Variants in ACTR10 observed in about 807,000 individuals in gnomAD.
ACTR10 encodes the protein actin related protein 10.
Under a neutral mutation model 56.2 loss-of-function variants are expected in ACTR10, and 43 were observed. The ratio of observed to expected loss-of-function variants is 0.77; its 90% CI spans 0.60 to 0.99. The LOEUF (loss-of-function observed/expected upper bound fraction) is 0.99, where lower values mean the gene tolerates loss of function less well. Ranked by LOEUF, ACTR10 falls within the 50% of genes least tolerant of loss-of-function variation. The probability of loss-of-function intolerance (pLI) is 0.00; values close to 1 mark genes in which losing one functional copy is unlikely to be tolerated. For missense variants in ACTR10, 466 were observed against 507.8 expected, an observed-to-expected ratio of 0.92 and a Z score of 0.79; for synonymous variants, 170 against 176.3, an observed-to-expected ratio of 0.96 and a Z score of 0.28.
Position 58,222,403 on chromosome 14 carries a change from T to C in ACTR10, c.635-1219T>C, listed in dbSNP as rs947648053. Among the ~76,000 whole-genome samples the C allele has an allele frequency of 3.9e-5, 6 of 152,284 alleles. No homozygotes were observed. In the South Asian group the frequency reaches 6.2e-4, roughly 16 times the overall value. On this transcript the variant is annotated intron_variant, in intron 8 of 12. Transcript: ENST00000254286. Reference sequence around the variant, plus strand: ...AGAAAGTGGTAGTGTTGGGGTGTGCTAATGAGGAACAATCATTACAAAAAG... The same window carrying C: ...AGAAAGTGGTAGTGTTGGGGTGTGCCAATGAGGAACAATCATTACAAAAAG...
intron 7 of ACTR10, among the ~76,000 whole-genome samples, chr14:58,217,581 G>A (rs974414905): frequency 7.9e-5 from 12 of 151,380 alleles, no homozygotes; most frequent in East Asian, 1.9e-4. Flanking sequence ...CAGGAGAATC[G>A]CTTGAACCTG....
At chr14:58,209,466 G>A (rs1350390332) in intron 4 of ACTR10, among the ~76,000 whole-genome samples, 2 of 151,968 alleles carry the variant, frequency 1.3e-5, no homozygotes, top group African/African-American at 4.8e-5. Flanking sequence ...GAATTAAAAG[G>A]TATATTCTGT....
intron 5 of ACTR10, 116 bp from the exon 6 acceptor site, chr14:58,213,515 A>G: frequency 3.9e-6 from 2 of 518,566 alleles, no homozygotes; most frequent in Admixed American, 4.0e-5. Context: ...GTTAAAAATA[A>G]GAAATAAAAA....
intron 3 of ACTR10, among the ~76,000 whole-genome samples, chr14:58,208,430 G>GA (rs933137770): frequency 2.6e-5 from 4 of 151,404 alleles, no homozygotes; most frequent in African/African-American, 9.7e-5. Context: ...CCATAAGAAT[G>GA]AAAAAAAATA....
At chr14:58,211,533 G>GA in intron 5 of ACTR10, 134 bp downstream of exon 5, 2 of 613,548 alleles carry the variant, frequency 3.3e-6, no homozygotes, top group South Asian at 4.6e-5. Flanking sequence ...TTACAATGTG[G>GA]AAAAAGTTCA....
rs1298767145 is a variant in ACTR10 at position 58,235,053 on chromosome 14, C to G, written c.*502C>G. On this transcript the variant is annotated 3_prime_UTR_variant, in exon 13 of 13. Coordinates refer to ENST00000254286, the MANE Select transcript of ACTR10 (RefSeq NM_018477.3). ...CAGGATGGTCTCAATTTCCTGACCT[C>G]GTGATCCACCCTCCTCGGCCTCCCA... 1 of 152,402 alleles carries G rather than the reference C, an allele frequency of 6.6e-6. No homozygotes were observed. The highest frequency in any genetic ancestry group is 2.4e-5 in the African/African-American group (1 of 41,416). The allele number at this position is 152,402 out of a possible 1,614,324, so 9.4% of individuals were successfully genotyped here.
chr14:58,210,300 G>A lies in ACTR10; in HGVS notation c.343-992G>A, dbSNP rs1888961593. On this transcript the variant is annotated intron_variant, in intron 4 of 12. Coordinates refer to ENST00000254286, the MANE Select transcript of ACTR10 (RefSeq NM_018477.3). ...AAATGTTGCACAGAGCCAACTATTTGTATATTTTGTTCTTTGGTTTAATTT... is the reference window on the plus strand; with the variant it reads ...AAATGTTGCACAGAGCCAACTATTTATATATTTTGTTCTTTGGTTTAATTT... 2.0e-5 allele frequency among the ~76,000 whole-genome samples: 3 copies of A among 152,178 alleles called. No individual in the cohort carries two copies. In the South Asian group the frequency reaches 6.2e-4, roughly 32 times the overall value.
chr14:58,202,417 T>TAAA (rs1171913562), intron 1 of ACTR10, among the ~76,000 whole-genome samples: 1 of 132,688 alleles, frequency 7.5e-6, no homozygotes. Context: ...TCGTCTCTAC[T>TAAA]AAAAAAAAAA....
At position 58,223,846 on chromosome 14, in the gene ACTR10, G is replaced by A; in HGVS notation, c.778G>A (p.Gly260Arg). 2 of 1,611,280 alleles carry A rather than the reference G, an allele frequency of 1.2e-6. No homozygotes were observed. Among genetic ancestry groups the A allele is most frequent in the Non-Finnish European group, 1.7e-6 (2 of 1,178,218 alleles). The change falls in exon 10 of 13, where the codon GGA becomes AGA. Residue 260 changes from glycine (G) to arginine (R), a missense_variant. Gly to Arg is a moderately radical substitution (Grantham distance 125). Transcript: ENST00000254286. ...LDGEKILHIL[G>R]SIRDSVVEIL... ...TGGAGAGAAGATTTTACATATCCTT[G>A]GATCAATCAGGTTAGATCTTAAATT...
chr14:58,227,772 T>C (rs1161615275), intron 10 of ACTR10, among the ~76,000 whole-genome samples: 1 of 152,222 alleles, frequency 6.6e-6, no homozygotes, highest in African/African-American at 2.4e-5. Context: ...TTGAAAAGGA[T>C]TTTTAAAAGC....
At chr14:58,211,970 T>C (rs1365968769) in intron 5 of ACTR10, among the ~76,000 whole-genome samples, 1 of 140,920 alleles carries the variant, frequency 7.1e-6, no homozygotes, top group Non-Finnish European at 1.5e-5. Context: ...TTTTTTCTTT[T>C]CTTTTTTTTT....
Position 58,232,240 on chromosome 14 carries a change from A to G in ACTR10, c.1045A>G (p.Lys349Glu). Residue 349 changes from lysine (K) to glutamate (E), a missense_variant, in exon 12 of 13, where the codon AAA becomes GAA. Physicochemically the swap from Lys to Glu is moderately conservative, Grantham distance 56. Coordinates refer to ENST00000254286, the MANE Select transcript of ACTR10 (RefSeq NM_018477.3). ...KTFRIHTPPA[K>E]ANCVAWLGGA... ...ATTTCGAATTCATACTCCACCTGCAAAAGCTAATTGTGTGGCCTGGTTGGG... is the reference window on the plus strand; with the variant it reads ...ATTTCGAATTCATACTCCACCTGCAGAAGCTAATTGTGTGGCCTGGTTGGG... 1 of 1,613,746 alleles carries G rather than the reference A, an allele frequency of 6.2e-7. No individual in the cohort carries two copies. Among genetic ancestry groups the G allele is most frequent in the South Asian group, 1.1e-5 (1 of 91,030 alleles).
chr14:58,221,997 T>A (rs1052697145), intron 8 of ACTR10, among the ~76,000 whole-genome samples: 3 of 152,150 alleles, frequency 2.0e-5, no homozygotes, highest in Non-Finnish European at 2.9e-5. Flanking sequence ...ATATAAAACA[T>A]ATAAGTAGCT....
chr14:58,210,761 G>C (rs1410504365), intron 4 of ACTR10, among the ~76,000 whole-genome samples: 4 of 148,526 alleles, frequency 2.7e-5, no homozygotes, highest in African/African-American at 7.5e-5. Context: ...TGCAACCTCC[G>C]CCTCCTGGGT....
intron 11 of ACTR10, 118 bp downstream of exon 11, chr14:58,230,598 AACT>A: frequency 2.3e-6 from 1 of 436,610 alleles, no homozygotes; most frequent in East Asian, 3.6e-5. Flanking sequence ...ATGTGTCAAC[AACT>A]AATCTGCTTA....
At chr14:58,221,332 C>G (rs1889264041) in intron 8 of ACTR10, among the ~76,000 whole-genome samples, 1 of 144,868 alleles carries the variant, frequency 6.9e-6, no homozygotes, top group South Asian at 2.2e-4. Context: ...AGTGGCTGGC[C>G]CCTGTAATCC....
At chr14:58,229,919 A>G (rs949302697) in intron 10 of ACTR10, among the ~76,000 whole-genome samples, 1 of 152,074 alleles carries the variant, frequency 6.6e-6, no homozygotes, top group Non-Finnish European at 1.5e-5. Flanking sequence ...ATTTGAGATT[A>G]AACTGGAAAA....
intron 7 of ACTR10, 199 bp from the exon 8 acceptor site, chr14:58,219,495 C>T: frequency 2.6e-6 from 1 of 390,376 alleles, no homozygotes; most frequent in Non-Finnish European, 4.6e-6. Context: ...CTTCAATTTC[C>T]ATGGTTTGTC....
At chr14:58,216,571 ACT>A (rs1234311235) in intron 7 of ACTR10, among the ~76,000 whole-genome samples, 2 of 152,240 alleles carry the variant, frequency 1.3e-5, no homozygotes, top group Admixed American at 6.5e-5. Context: ...TCCTTAGGTC[ACT>A]AAACTTTATC....
Sources: allele counts gnomAD v4.1 joint callset (sites outside exome capture counted in the v4.1 genomes callset), GRCh38; gene constraint gnomAD v4.1.1; transcripts MANE v1.5; gene names NCBI Gene and HGNC (gene_info 2026-07-23, HGNC 2026-07-21).